Variants in FAF1 observed in about 807,000 individuals in gnomAD.
The protein encoded by FAF1 is Fas associated factor 1, also known as FAS-associated factor 1.
FAF1 carries 25 observed loss-of-function variants against 92.5 expected under a neutral mutation model. That is an observed-to-expected ratio of 0.27 (90% CI 0.20 to 0.38). FAF1 has a LOEUF of 0.38. FAF1 is among the 10% of genes least tolerant of loss of function. FAF1 has a pLI of 1.00. For synonymous variants in FAF1, 234 were observed against 273.2 expected (o/e 0.86, Z 1.42); for missense variants, 636 against 793.3 (o/e 0.80, Z 2.38).
chr1:50,819,183 CTAGAG>C (rs1644007395), intron 2 of FAF1, among the ~76,000 whole-genome samples: 1 of 151,902 alleles, frequency 6.6e-6, no homozygotes, highest in East Asian at 1.9e-4. Context: ...CCGTGCTTGC[CTAGAG>C]TAGAGCTGGG....
intron 7 of FAF1, among the ~76,000 whole-genome samples, chr1:50,660,707 T>C (rs1015775860): frequency 7.9e-5 from 12 of 152,076 alleles, no homozygotes; most frequent in Non-Finnish European, 1.5e-5. Context: ...TTGGCCAGGC[T>C]AGTCTCGAGC....
intron 8 of FAF1, among the ~76,000 whole-genome samples, chr1:50,646,345 T>C (rs1248847733): frequency 6.6e-6 from 1 of 152,208 alleles, no homozygotes; most frequent in Non-Finnish European, 1.5e-5. Flanking sequence ...AAATGCTTAG[T>C]TTTGATAACT....
rs548572841 is a variant in FAF1, at chr1:50,760,834, A to G, written c.368-16059T>C. Among the ~76,000 whole-genome samples the G allele has an allele frequency of 3.3e-3, 503 of 152,292 alleles. 2 individuals are homozygous for G. The highest frequency in any genetic ancestry group is 0.012 in the African/African-American group (490 of 41,574). On this transcript the variant is annotated intron_variant, in intron 4 of 18. Transcript: ENST00000396153. Reference sequence around the variant, plus strand: ...CCAGCAGAAGGCAAGAAATAACTAAAATCAGAGCAGAACTGAAGGAAATAG... The same window carrying G: ...CCAGCAGAAGGCAAGAAATAACTAAGATCAGAGCAGAACTGAAGGAAATAG...
chr1:50,682,631 TACA>T (rs751033111), intron 7 of FAF1, among the ~76,000 whole-genome samples: 15 of 152,214 alleles, frequency 9.9e-5, no homozygotes, highest in Admixed American at 3.9e-4. Context: ...CCTCCTTGGT[TACA>T]AAAGTAAATC....
chr1:50,700,085 A>G (rs1378781631), intron 7 of FAF1, among the ~76,000 whole-genome samples: 1 of 152,044 alleles, frequency 6.6e-6, no homozygotes, highest in Non-Finnish European at 1.5e-5. Context: ...CCCCAAAAAT[A>G]ACGCACTTGA....
chr1:50,460,364 T>C (rs1646410393), intron 18 of FAF1, among the ~76,000 whole-genome samples: 1 of 152,188 alleles, frequency 6.6e-6, no homozygotes, highest in South Asian at 2.1e-4. Context: ...TGTGTGCTTT[T>C]TGTTAGTGAT....
chr1:50,458,051 T>G (rs1646378415), intron 18 of FAF1, among the ~76,000 whole-genome samples: 1 of 149,948 alleles, frequency 6.7e-6, no homozygotes, highest in Admixed American at 6.6e-5. Context: ...CCATCTCTAC[T>G]AAAAATACAA....
intron 1 of FAF1, among the ~76,000 whole-genome samples, chr1:50,938,918 G>C (rs1645108241): frequency 6.6e-6 from 1 of 152,062 alleles, no homozygotes. Flanking sequence ...CTGTTCCATT[G>C]GTCTATGTGT....
chr1:50,575,226 A>G (rs1650670826), intron 12 of FAF1, among the ~76,000 whole-genome samples: 2 of 152,150 alleles, frequency 1.3e-5, no homozygotes, highest in Admixed American at 1.3e-4. Context: ...GTGTATGTCT[A>G]AACTAGTAAG....
intron 2 of FAF1, among the ~76,000 whole-genome samples, chr1:50,816,317 G>C (rs1643974971): frequency 6.8e-6 from 1 of 147,980 alleles, no homozygotes; most frequent in African/African-American, 2.5e-5. Context: ...CCATTCTCCT[G>C]CCTCAGCCTC....
At chr1:50,908,942 A>G (rs1046346429) in intron 1 of FAF1, among the ~76,000 whole-genome samples, 1 of 152,128 alleles carries the variant, frequency 6.6e-6, no homozygotes, top group African/African-American at 2.4e-5. Flanking sequence ...TACTTTCCTC[A>G]TTAGTTGATG....
chr1:50,515,552 A>G (rs1647206957), intron 15 of FAF1, among the ~76,000 whole-genome samples: 1 of 152,190 alleles, frequency 6.6e-6, no homozygotes, highest in African/African-American at 2.4e-5. Context: ...GACAGCAAAC[A>G]AAATAACAGA....
At chr1:50,839,730 A>G (rs1377167617) in intron 2 of FAF1, among the ~76,000 whole-genome samples, 1 of 152,154 alleles carries the variant, frequency 6.6e-6, no homozygotes, top group African/African-American at 2.4e-5. Context: ...AGAAGAAAGA[A>G]AAATATCTGG....
chr1:50,699,973 G>C (rs1289760467), intron 7 of FAF1, among the ~76,000 whole-genome samples: 3 of 152,028 alleles, frequency 2.0e-5, no homozygotes, highest in Non-Finnish European at 4.4e-5. Context: ...CTTCACCACA[G>C]TAAACTCAGT....
At chr1:50,702,938 T>C (rs1657533321) in intron 7 of FAF1, among the ~76,000 whole-genome samples, 2 of 152,082 alleles carry the variant, frequency 1.3e-5, no homozygotes, top group Admixed American at 6.6e-5. Context: ...TTTCATTTAA[T>C]AGAAATTTCC....
chr1:50,910,925 T>C (rs1022738939), intron 1 of FAF1, among the ~76,000 whole-genome samples: 1 of 152,000 alleles, frequency 6.6e-6, no homozygotes, highest in Non-Finnish European at 1.5e-5. Flanking sequence ...GTACCTCTGT[T>C]GGAAATGCAG....
At chr1:50,647,075 C>A in intron 8 of FAF1, among the ~76,000 whole-genome samples, 1 of 152,162 alleles carries the variant, frequency 6.6e-6, no homozygotes, top group Non-Finnish European at 1.5e-5. Context: ...TCTCAAACTC[C>A]TGGTCTCAAG....
chr1:50,638,744 T>TTTGCTGGGCTTTTGCCC lies in FAF1; in HGVS notation c.744+16697_744+16698insGGGCAAAAGCCCAGCAA, dbSNP rs539423980. On this transcript the variant is annotated intron_variant, in intron 8 of 18. Coordinates refer to ENST00000396153, the MANE Select transcript of FAF1 (RefSeq NM_007051.3). ...CAGGCATGAGCCACCACGCCCAGCCTAGCTATTGCTTTTTCATAGAGTCCT... is the reference window on the plus strand; with the variant it reads ...CAGGCATGAGCCACCACGCCCAGCCTTTGCTGGGCTTTTGCCCAGCTATTGCTTTTTCATAGAGTCCT... Among the ~76,000 whole-genome samples, 213 of 152,278 alleles carry TTTGCTGGGCTTTTGCCC rather than the reference T, an allele frequency of 1.4e-3. 6 individuals are homozygous for TTTGCTGGGCTTTTGCCC. The East Asian group carries it at 0.035, about 25-fold the overall frequency.
intron 8 of FAF1, among the ~76,000 whole-genome samples, chr1:50,616,823 A>C (rs1003544100): frequency 2.6e-5 from 4 of 151,928 alleles, no homozygotes; most frequent in African/African-American, 9.7e-5. Context: ...TGGGATTACA[A>C]GCATGCGCCA....
Sources: gnomAD v4.1 joint callset for allele counts (sites outside exome capture counted in the v4.1 genomes callset) on GRCh38, gnomAD v4.1.1 for gene constraint, MANE v1.5 for transcripts, NCBI Gene and HGNC (gene_info 2026-07-23, HGNC 2026-07-21) for gene names.